Variants in CASK observed in about 807,000 individuals in gnomAD.
CASK encodes calcium/calmodulin dependent serine protein kinase.
A neutral mutation model predicts 82.9 loss-of-function variants in CASK; 4 were observed. That is an observed-to-expected ratio of 0.05 (90% CI 0.02 to 0.11). The LOEUF is 0.11. Ranked by LOEUF, CASK falls within the 10% of genes least tolerant of loss-of-function variation. The probability of loss-of-function intolerance (pLI) is 1.00; values close to 1 mark genes in which losing one functional copy is unlikely to be tolerated. For missense variants in CASK, 358 were observed against 720.9 expected (o/e 0.50, Z 5.76); for synonymous variants, 259 against 253.5 (o/e 1.02, Z -0.20).
intron 11 of CASK, among the ~76,000 whole-genome samples, chrX:41,614,851 C>T (rs2066166685): frequency 9.2e-6 from 1 of 108,714 alleles, no homozygotes; most frequent in East Asian, 2.9e-4. Flanking sequence ...CAGGGTCTTG[C>T]TCTGTTGCCC....
chrX:41,756,278 G>C (rs1393882354), intron 3 of CASK, among the ~76,000 whole-genome samples: 1 of 111,884 alleles, frequency 8.9e-6, no homozygotes, highest in Non-Finnish European at 1.9e-5. Context: ...ATACATAGAG[G>C]CTTGATTTAT....
intron 10 of CASK, among the ~76,000 whole-genome samples, chrX:41,625,396 C>T (rs747698583): frequency 9.0e-6 from 1 of 110,592 alleles, no homozygotes; most frequent in Non-Finnish European, 1.9e-5. Flanking sequence ...CCGTGTTAGC[C>T]AGGATGGTCT....
intron 5 of CASK, chrX:41,729,781 A>AAAAAAT (rs2068351382): frequency 5.3e-5 from 2 of 38,005 alleles, no homozygotes; most frequent in Non-Finnish European, 9.1e-5. Context: ...AAAAAAAAAA[A>AAAAAAT]ATATATATAT....
intron 5 of CASK, among the ~76,000 whole-genome samples, chrX:41,681,503 T>C (rs2067354270): frequency 8.9e-6 from 1 of 112,222 alleles, no homozygotes; most frequent in East Asian, 2.8e-4. Flanking sequence ...TAATATGTTG[T>C]GTGATGCTAC....
At chrX:41,701,973 C>T (rs1197047420) in intron 5 of CASK, among the ~76,000 whole-genome samples, 1 of 112,209 alleles carries the variant, frequency 8.9e-6, no homozygotes, top group Non-Finnish European at 1.9e-5. Flanking sequence ...TTAGTTCTGT[C>T]CAAGCACAAT....
chrX:41,830,829 A>C (rs1192266173), intron 2 of CASK, among the ~76,000 whole-genome samples: 1 of 109,144 alleles, frequency 9.2e-6, no homozygotes, highest in East Asian at 2.8e-4. Context: ...AAAAAAAAAA[A>C]AAAAAAACAA....
chrX:41,651,565 A>G (rs951682261), intron 8 of CASK, among the ~76,000 whole-genome samples: 2 of 111,033 alleles, frequency 1.8e-5, no homozygotes, highest in Non-Finnish European at 3.8e-5. Context: ...TAATTTTTTA[A>G]TTTTTATTTT....
At chrX:41,582,369 G>A (rs1418565561) in intron 14 of CASK, among the ~76,000 whole-genome samples, 2 of 111,553 alleles carry the variant, frequency 1.8e-5, no homozygotes, top group Non-Finnish European at 3.8e-5. Flanking sequence ...AGGCTGGAGT[G>A]CAGTGGTGCG....
chrX:41,841,140 C>G (rs772491885), intron 2 of CASK, among the ~76,000 whole-genome samples: 70 of 112,287 alleles, frequency 6.2e-4, no homozygotes, highest in African/African-American at 2.2e-3. Context: ...GCGGTTACAT[C>G]ATTTTGTATT....
intron 5 of CASK, among the ~76,000 whole-genome samples, chrX:41,702,406 A>T (rs181625798): frequency 6.4e-5 from 7 of 108,649 alleles, no homozygotes; most frequent in Non-Finnish European, 9.6e-5. Flanking sequence ...ATAAATAAAT[A>T]AATTACAATA....
intron 1 of CASK, among the ~76,000 whole-genome samples, chrX:41,894,833 G>A (rs967685236): frequency 8.1e-5 from 9 of 111,704 alleles, no homozygotes; most frequent in African/African-American, 1.6e-4. Context: ...ATCAGAAAGC[G>A]CTTAGCATTT....
chrX:41,691,170 T>C (rs2067549422), intron 5 of CASK, among the ~76,000 whole-genome samples: 1 of 111,969 alleles, frequency 8.9e-6, no homozygotes, highest in African/African-American at 3.2e-5. Flanking sequence ...CTGAGGCAAA[T>C]GGTTTCAGGA....
intron 11 of CASK, among the ~76,000 whole-genome samples, chrX:41,612,692 G>A (rs1157207296): frequency 2.2e-5 from 2 of 91,826 alleles, no homozygotes; most frequent in South Asian, 5.9e-4. Context: ...CGCCCCGTCC[G>A]GGAGGGAGGT....
chrX:41,875,045 C>T (rs1368449452), intron 1 of CASK, among the ~76,000 whole-genome samples: 2 of 112,514 alleles, frequency 1.8e-5, no homozygotes, highest in Non-Finnish European at 3.8e-5. Context: ...CACTATCAAC[C>T]ACAGTGTATA....
chrX:41,577,698 C>T (rs780101452), intron 15 of CASK, among the ~76,000 whole-genome samples: 1 of 111,317 alleles, frequency 9.0e-6, no homozygotes, highest in African/African-American at 3.3e-5. Flanking sequence ...TCCCCTCACT[C>T]CCCTTGCTCT....
chrX:41,912,668 G>A (rs1275883356), intron 1 of CASK, among the ~76,000 whole-genome samples: 1 of 106,853 alleles, frequency 9.4e-6, no homozygotes, highest in Admixed American at 1.0e-4. Context: ...TGGGTGCAGT[G>A]GTTCATGCCT....
intron 2 of CASK, among the ~76,000 whole-genome samples, chrX:41,810,196 C>G (rs1446321446): frequency 2.7e-5 from 3 of 112,085 alleles, no homozygotes; most frequent in Non-Finnish European, 5.6e-5. Flanking sequence ...CTTCCCCAAC[C>G]TAGCAAGGCA....
intron 2 of CASK, among the ~76,000 whole-genome samples, chrX:41,809,115 C>A (rs781640171): frequency 8.9e-6 from 1 of 112,485 alleles, no homozygotes; most frequent in South Asian, 3.7e-4. Context: ...GTGGAGCCCA[C>A]CGCAGCTCAA....
intron 18 of CASK, chrX:41,558,068 C>T (rs2065180355): frequency 9.0e-6 from 1 of 110,788 alleles, no homozygotes; most frequent in African/African-American, 3.3e-5. Context: ...CTCCAGGTGC[C>T]ACCCGCAGAG....
Sources: allele counts gnomAD v4.1 joint callset (sites outside exome capture counted in the v4.1 genomes callset), GRCh38; gene constraint gnomAD v4.1.1; transcripts MANE v1.5; gene names NCBI Gene and HGNC (gene_info 2026-07-23, HGNC 2026-07-21).